The following CD200R1L variants were observed in gnomAD, a reference collection of about 807,000 sequenced individuals.
CD200R1L encodes the protein cell surface glycoprotein CD200 receptor 2.
Under a neutral mutation model 24.8 loss-of-function variants are expected in CD200R1L, and 14 were observed. The observed-to-expected ratio is 0.56, with a 90% confidence interval of 0.37 to 0.88. The LOEUF is 0.88. Among genes scored for constraint, CD200R1L ranks in the 40% least tolerant of loss-of-function variants. The pLI, the probability that CD200R1L is intolerant of heterozygous loss-of-function variation, is 0.00. For missense variants in CD200R1L, 299 were observed against 297.8 expected, an observed-to-expected ratio of 1.00 and a Z score of -0.03; for synonymous variants, 111 against 109.2, an observed-to-expected ratio of 1.02 and a Z score of -0.11.
rs139262657 is a variant in CD200R1L, at chr3:112,823,579, C to T, written c.616+3414G>A. Among the ~76,000 whole-genome samples the T allele has an allele frequency of 2.6e-5, 4 of 152,076 alleles. No individual in the cohort carries two copies. In the East Asian group the frequency reaches 7.7e-4, roughly 29 times the overall value. On this transcript the variant is annotated intron_variant, in intron 6 of 7. Coordinates refer to ENST00000488794, the MANE Select transcript of CD200R1L (RefSeq NM_001199215.3). ...ACTCACACACATTTGGTGTCAGAAG[C>T]ATTGTGAATGAAAACAGTGCCAAGC...
chr3:112,839,060 T>A (rs969191688), intron 2 of CD200R1L, among the ~76,000 whole-genome samples: 1 of 151,360 alleles, frequency 6.6e-6, no homozygotes. Flanking sequence ...CACACACACA[T>A]ACACACACAC....
chr3:112,845,614 G>C (rs1194877439), intron 2 of CD200R1L, 65 bp downstream of exon 2: 24 of 1,270,676 alleles, frequency 1.9e-5, no homozygotes, highest in Middle Eastern at 3.9e-4. Context: ...TAGATCAAGA[G>C]TATCCTCATA....
Position 112,815,988 on chromosome 3 carries a change from C to T in CD200R1L, c.741-13G>A, listed in dbSNP as rs749054528. On this transcript the variant is annotated splice_polypyrimidine_tract_variant and intron_variant, in intron 7 of 7. Coordinates refer to ENST00000488794, the MANE Select transcript of CD200R1L (RefSeq NM_001199215.3). ...TTAAAGAACTTTTCTGAAAGTATTA[C>T]ACAAGATTTGTATTTATATCTCATT... is the stretch of plus-strand genomic sequence containing the variant. The T allele has an allele frequency of 1.5e-5, 12 of 780,104 alleles. No homozygotes were observed. The highest frequency in any genetic ancestry group is 2.9e-5 in the Non-Finnish European group (12 of 417,706). The allele number at this position is 780,104 out of a possible 1,614,324, so 48.3% of individuals were successfully genotyped here. A position where few individuals can be genotyped will look rare whatever the true frequency, so the allele number is the denominator to read the frequency against.
At chr3:112,824,200 A>C (rs1938606871) in intron 6 of CD200R1L, among the ~76,000 whole-genome samples, 1 of 152,218 alleles carries the variant, frequency 6.6e-6, no homozygotes, top group African/African-American at 2.4e-5. Context: ...AGATGTAAGA[A>C]AAAAATTAAG....
chr3:112,827,711 T>C, intron 4 of CD200R1L, 27 bp from the exon 5 acceptor site: 2 of 1,584,760 alleles, frequency 1.3e-6, no homozygotes, highest in Admixed American at 1.8e-5. Context: ...AGGATAATGA[T>C]ATAGAAAACC....
At chr3:112,828,780 T>A (rs1938728729) in intron 4 of CD200R1L, among the ~76,000 whole-genome samples, 1 of 152,160 alleles carries the variant, frequency 6.6e-6, no homozygotes, top group African/African-American at 2.4e-5. Flanking sequence ...TTTCCACAAC[T>A]GATCAGGGTT....
chr3:112,832,073 C>T (rs1938815020), intron 3 of CD200R1L, among the ~76,000 whole-genome samples: 1 of 152,184 alleles, frequency 6.6e-6, no homozygotes, highest in Admixed American at 6.5e-5. Context: ...GAAAACCACA[C>T]TTTGAGAACT....
rs771097756 is a variant in CD200R1L at position 112,827,585 on chromosome 3, A to G, written c.149T>C (p.Leu50Pro). The change falls in exon 5 of 8, where the codon CTG (leucine) becomes CCG (proline). Residue 50 changes from leucine (L) to proline (P), a missense_variant. Transcript: ENST00000488794. The stretch of plus-strand genomic sequence containing the variant: ...TTTTGTGCAGGAAGGCTGGCCTCTC[A>G]GGATTATTTCCCATGTTATTATGAT... ...NLIIITWEII[L>P]RGQPSCTKAY... The G allele has an allele frequency of 6.2e-7, 1 of 1,614,064 alleles. No homozygotes were observed. The highest frequency in any genetic ancestry group is 8.5e-7 in the Non-Finnish European group (1 of 1,179,940).
In CD200R1L at chr3:112,838,017, A is replaced by T; in HGVS notation, c.-86-7T>A. The stretch of plus-strand genomic sequence containing the variant: ...CAGGAATTATTATCTGAGGCTAGAA[A>T]ATATTTAAAGAAGAAATATGGAGAA... On this transcript the variant is annotated splice_polypyrimidine_tract_variant and splice_region_variant and intron_variant, in intron 2 of 7. Transcript: ENST00000488794. The T allele has an allele frequency of 8.3e-7, 1 of 1,200,430 alleles. No individual in the cohort carries two copies. The highest frequency in any genetic ancestry group is 1.4e-5 in the South Asian group (1 of 71,954). 74.4% of individuals were successfully genotyped at this position (1,200,430 alleles called of 1,614,324 possible). A position where few individuals can be genotyped will look rare whatever the true frequency, so the allele number is the denominator to read the frequency against.
intron 7 of CD200R1L, among the ~76,000 whole-genome samples, chr3:112,819,091 T>A (rs757991187): frequency 1.9e-4 from 29 of 152,180 alleles, no homozygotes; most frequent in Non-Finnish European, 4.1e-4. Flanking sequence ...CAGGGGAAAC[T>A]GCCACTTATA....
At chr3:112,819,583 G>A (rs1167275442) in intron 7 of CD200R1L, among the ~76,000 whole-genome samples, 189 bp downstream of exon 7, 1 of 152,190 alleles carries the variant, frequency 6.6e-6, no homozygotes, top group African/African-American at 2.4e-5. Flanking sequence ...TCTTGCCCCA[G>A]TGCTGCAGGC....
At position 112,827,146 on chromosome 3, in the gene CD200R1L, C is replaced by T. The variant is rs781599292; in HGVS notation, c.463G>A (p.Glu155Lys). ...KPAAQISWIPEGSILATKQEY... is the reference protein window; with the variant it reads ...KPAAQISWIPKGSILATKQEY... The stretch of plus-strand genomic sequence containing the variant: ...TGCTTAGTGGCAAGAATAGATCCCT[C>T]TGGGATCCAGGAGATCTGGGCAGCT... Residue 155 changes from glutamate to lysine, a missense_variant, in exon 6 of 8, where the codon GAG becomes AAG. By Grantham distance (56) the Glu-to-Lys change is moderately conservative (BLOSUM62 1). Coordinates refer to ENST00000488794, the MANE Select transcript of CD200R1L (RefSeq NM_001199215.3). The T allele has an allele frequency of 6.2e-7, 1 of 1,613,594 alleles. No homozygotes were observed. The highest frequency in any genetic ancestry group is 8.5e-7 in the Non-Finnish European group (1 of 1,180,022).
In CD200R1L at chr3:112,827,453, A is replaced by C. The variant is rs745813951; in HGVS notation, c.281T>G (p.Val94Gly). The C allele has an allele frequency of 4.3e-6, 7 of 1,614,076 alleles. No homozygotes were observed. The African/African-American group carries it at 9.3e-5, about 22-fold the overall frequency. Residue 94 changes from valine to glycine, a missense_variant, in exon 5 of 8, where the codon GTG becomes GGG. By Grantham distance (109) the Val-to-Gly change is moderately radical. Transcript: ENST00000488794. Reference protein sequence around the residue: ...DQNSDLQIRPVDTTHDGYYRG... With the variant: ...DQNSDLQIRPGDTTHDGYYRG... ...GTAATACCCGTCATGAGTGGTGTCCACCGGACGAATCTGAAGGTCCGAATT... is the reference window on the plus strand; with the variant it reads ...GTAATACCCGTCATGAGTGGTGTCCCCCGGACGAATCTGAAGGTCCGAATT...
intron 2 of CD200R1L, among the ~76,000 whole-genome samples, chr3:112,839,918 C>T (rs982356351): frequency 2.0e-5 from 3 of 152,182 alleles, no homozygotes; most frequent in African/African-American, 7.2e-5. Flanking sequence ...CTCCTCTTTG[C>T]TTCCAGACTT....
chr3:112,826,913 G>A lies in CD200R1L; in HGVS notation c.616+80C>T. ...GCTAGGAGCTCAAATTTTCTTACCTGCTGTTTGGTTATTCGTTATTTTCTA... is the reference window on the plus strand; with the variant it reads ...GCTAGGAGCTCAAATTTTCTTACCTACTGTTTGGTTATTCGTTATTTTCTA... On this transcript the variant is annotated intron_variant, in intron 6 of 7. Transcript: ENST00000488794. 8 of 1,479,574 alleles carry A rather than the reference G, an allele frequency of 5.4e-6. No individual in the cohort carries two copies. The South Asian group carries it at 1.1e-4, about 21-fold the overall frequency. The allele number at this position is 1,479,574 out of a possible 1,614,324, so 91.7% of individuals were successfully genotyped here.
chr3:112,817,600 C>T (rs575154917), intron 7 of CD200R1L, among the ~76,000 whole-genome samples: 11 of 152,338 alleles, frequency 7.2e-5, no homozygotes, highest in Admixed American at 2.0e-4. Flanking sequence ...CAACACCTCT[C>T]TTCTCTGCCC....
chr3:112,839,451 T>A (rs967334641), intron 2 of CD200R1L, among the ~76,000 whole-genome samples: 2 of 152,214 alleles, frequency 1.3e-5, no homozygotes, highest in Admixed American at 6.5e-5. Context: ...TCTCCTAATT[T>A]GCTGCCCAAA....
At chr3:112,822,879 T>C (rs143565106) in intron 6 of CD200R1L, among the ~76,000 whole-genome samples, 93 of 152,330 alleles carry the variant, frequency 6.1e-4, no homozygotes, top group African/African-American at 2.1e-3. Flanking sequence ...TGTAAACTGC[T>C]GTAAATGATT....
In CD200R1L at chr3:112,837,969, G is replaced by T; in HGVS notation, c.-45C>A. 8.1e-7 allele frequency: 1 copy of T among 1,242,188 alleles called. No homozygotes were observed. The highest frequency in any genetic ancestry group is 1.0e-6 in the Non-Finnish European group (1 of 968,774). The allele number at this position is 1,242,188 out of a possible 1,614,324, so 76.9% of individuals were successfully genotyped here. A position where few individuals can be genotyped will look rare whatever the true frequency, so the allele number is the denominator to read the frequency against. On this transcript the variant is annotated 5_prime_UTR_variant, in exon 3 of 8. Transcript: ENST00000488794. ...TCATTAAGACGTATTCTCTAACTTT[G>T]TATTTCCAGTTGTGTCATCAGACAG...
Sources: allele counts gnomAD v4.1 joint callset (sites outside exome capture counted in the v4.1 genomes callset), GRCh38; gene constraint gnomAD v4.1.1; transcripts MANE v1.5; gene names NCBI Gene and HGNC (gene_info 2026-07-23, HGNC 2026-07-21).